The following CDK7 variants were observed in gnomAD, a reference collection of about 807,000 sequenced individuals.
The protein encoded by CDK7 is cyclin-dependent kinase 7.
In CDK7, 25 loss-of-function variants were observed where a neutral mutation model predicts 49.1. The ratio of observed to expected loss-of-function variants is 0.51; its 90% CI spans 0.37 to 0.71. The LOEUF (loss-of-function observed/expected upper bound fraction) is 0.71. Among genes scored for constraint, CDK7 ranks in the 30% least tolerant of loss-of-function variants. The pLI, the probability that CDK7 is intolerant of heterozygous loss-of-function variation, is 0.00. For synonymous variants in CDK7, 107 were observed against 140.0 expected, an observed-to-expected ratio of 0.76 and a Z score of 1.67; for missense variants, 316 against 411.7, an observed-to-expected ratio of 0.77 and a Z score of 2.01.
At chr5:69,242,109 A>G (rs180990848) in intron 2 of CDK7, among the ~76,000 whole-genome samples, 1 of 152,292 alleles carries the variant, frequency 6.6e-6, no homozygotes. Flanking sequence ...GTCTAGTTTC[A>G]TTCTTCTGCA....
chr5:69,262,683 A>AG (rs1750910066), intron 8 of CDK7, among the ~76,000 whole-genome samples: 1 of 150,772 alleles, frequency 6.6e-6, no homozygotes, highest in Non-Finnish European at 1.5e-5. Context: ...AAAAAAAAAA[A>AG]GAAAAAGAAA....
intron 5 of CDK7, among the ~76,000 whole-genome samples, chr5:69,256,617 A>G (rs1265689791): frequency 6.6e-6 from 1 of 152,112 alleles, no homozygotes; most frequent in Non-Finnish European, 1.5e-5. Flanking sequence ...CTGGGATTAT[A>G]AGCGTGAGCC....
rs966084480 is a variant in CDK7 at position 69,248,402 on chromosome 5, C to T, written c.127-4016C>T. Among the ~76,000 whole-genome samples, 4 of 151,460 alleles carry T rather than the reference C, an allele frequency of 2.6e-5. No individual in the cohort carries two copies. In the East Asian group the frequency reaches 5.8e-4, roughly 22 times the overall value. On this transcript the variant is annotated intron_variant, in intron 2 of 11. Transcript: ENST00000256443. ...TCTTTTCTTTTTTTTCTTTTTGAGA[C>T]GGAGTTTCATTCTTGTTTCCCAGGC...
intron 2 of CDK7, among the ~76,000 whole-genome samples, chr5:69,238,087 A>G (rs1749124228): frequency 6.6e-6 from 1 of 152,120 alleles, no homozygotes; most frequent in Non-Finnish European, 1.5e-5. Context: ...GTTACTCTGT[A>G]CTCATTCACC....
chr5:69,236,954 CTTTTTT>C (rs4053029), intron 2 of CDK7, among the ~76,000 whole-genome samples: 2 of 84,266 alleles, frequency 2.4e-5, no homozygotes, highest in South Asian at 4.6e-4. Context: ...GCCTGGCCTT[CTTTTTT>C]TTTTTTTTTT....
intron 10 of CDK7, among the ~76,000 whole-genome samples, chr5:69,274,361 G>A (rs1751886660): frequency 6.6e-6 from 1 of 152,318 alleles, no homozygotes; most frequent in Middle Eastern, 3.4e-3. Context: ...GTAGGCCGGT[G>A]CATCGGCTCA....
intron 2 of CDK7, among the ~76,000 whole-genome samples, chr5:69,243,224 C>T (rs1450237721): frequency 6.6e-5 from 10 of 152,118 alleles, no homozygotes; most frequent in Non-Finnish European, 1.0e-4. Flanking sequence ...GGGAAGTGTA[C>T]GTTTGTAAAG....
At chr5:69,277,075 C>CTT in intron 11 of CDK7, 32 bp from the exon 12 acceptor site, 29 of 1,437,084 alleles carry the variant, frequency 2.0e-5, no homozygotes, top group East Asian at 1.0e-4. Context: ...ATGTGAACAA[C>CTT]TTTTTTTTTT....
intron 7 of CDK7, among the ~76,000 whole-genome samples, 174 bp from the exon 8 acceptor site, chr5:69,262,026 AAAAGG>A (rs1750859837): frequency 1.3e-5 from 2 of 152,316 alleles, no homozygotes; most frequent in African/African-American, 4.8e-5. Context: ...CTGTAGGAGA[AAAAGG>A]AGAGAACTGC....
chr5:69,264,581 T>G (rs1007221605), intron 8 of CDK7, among the ~76,000 whole-genome samples: 1 of 152,154 alleles, frequency 6.6e-6, no homozygotes, highest in African/African-American at 2.4e-5. Context: ...GATTCTAGAA[T>G]GTACCAACAG....
intron 2 of CDK7, among the ~76,000 whole-genome samples, chr5:69,244,074 C>T (rs554621190): frequency 5.9e-5 from 9 of 152,048 alleles, no homozygotes; most frequent in African/African-American, 1.2e-4. Flanking sequence ...CCTCGTGATC[C>T]GCCTGCCTTG....
At position 69,266,789 on chromosome 5, in the gene CDK7, T is replaced by A. The variant is rs577797816; in HGVS notation, c.628-2418T>A. 3.3e-5 allele frequency among the ~76,000 whole-genome samples: 5 copies of A among 152,208 alleles called. No individual in the cohort carries two copies. In the South Asian group the frequency reaches 1.0e-3, roughly 32 times the overall value. Reference sequence around the variant, plus strand: ...TTTAATAACTGGAATATTTAGCTTTTATATAAACCAAGTTGTCAAAGAGCA... The same window carrying A: ...TTTAATAACTGGAATATTTAGCTTTAATATAAACCAAGTTGTCAAAGAGCA... On this transcript the variant is annotated intron_variant, in intron 8 of 11. Transcript: ENST00000256443.
intron 10 of CDK7, 72 bp from the exon 11 acceptor site, chr5:69,276,471 T>G: frequency 1.5e-6 from 2 of 1,378,140 alleles, no homozygotes; most frequent in Non-Finnish European, 1.0e-6. Flanking sequence ...CCTATAATCT[T>G]GAAGGTAAGA....
intron 2 of CDK7, among the ~76,000 whole-genome samples, chr5:69,246,127 AGTTTGTTT>A (rs546761443): frequency 2.0e-5 from 3 of 151,554 alleles, no homozygotes; most frequent in Non-Finnish European, 4.4e-5. Context: ...CAGGAGTGGA[AGTTTGTTT>A]GTTTGTTTGT....
chr5:69,239,772 C>T (rs1049302985), intron 2 of CDK7, among the ~76,000 whole-genome samples: 1 of 151,902 alleles, frequency 6.6e-6, no homozygotes, highest in Admixed American at 6.6e-5. Flanking sequence ...TTCTGGATTA[C>T]AAAGAATTCT....
chr5:69,242,427 C>G (rs1255557803), intron 2 of CDK7, among the ~76,000 whole-genome samples: 1 of 152,116 alleles, frequency 6.6e-6, no homozygotes, highest in East Asian at 1.9e-4. Flanking sequence ...GGCTCCTGGT[C>G]CAAGTGGCAC....
chr5:69,254,323 A>G (rs956783211), intron 3 of CDK7, among the ~76,000 whole-genome samples: 3 of 151,974 alleles, frequency 2.0e-5, no homozygotes, highest in Non-Finnish European at 2.9e-5. Flanking sequence ...GGAGTTGGAG[A>G]CCAGCCTGAT....
At position 69,265,329 on chromosome 5, in the gene CDK7, C is replaced by T. The variant is rs532832057; in HGVS notation, c.627+3025C>T. Among the ~76,000 whole-genome samples, 3 of 150,708 alleles carry T rather than the reference C, an allele frequency of 2.0e-5. No homozygotes were observed. In the East Asian group the frequency reaches 5.9e-4, roughly 29 times the overall value. On this transcript the variant is annotated intron_variant, in intron 8 of 11. Coordinates refer to ENST00000256443, the MANE Select transcript of CDK7 (RefSeq NM_001799.4). ...CAAAGAAAACTTTCAAAAAAAAATT[C>T]TAAAGGCTCTGCATGAAAAAAAAAA...
At chr5:69,248,802 C>CTTTTTTTTTTTTTTTTTTTTTTTTTT (rs70992911) in intron 2 of CDK7, among the ~76,000 whole-genome samples, 2 of 92,276 alleles carry the variant, frequency 2.2e-5, no homozygotes, top group Non-Finnish European at 2.0e-5. Flanking sequence ...TTTTTTTTTT[C>CTTTTTTTTTTTTTTTTTTTTTTTTTT]TTTTTTTTTT....
Sources: gnomAD v4.1 joint callset for allele counts (sites outside exome capture counted in the v4.1 genomes callset) on GRCh38, gnomAD v4.1.1 for gene constraint, MANE v1.5 for transcripts, NCBI Gene and HGNC (gene_info 2026-07-23, HGNC 2026-07-21) for gene names.